The following MRPL1 variants were observed in gnomAD, a reference collection of about 807,000 sequenced individuals.
The protein encoded by MRPL1 is large ribosomal subunit protein uL1m.
A neutral mutation model predicts 38.0 loss-of-function variants in MRPL1; 28 were observed. That is an observed-to-expected ratio of 0.74 (90% CI 0.55 to 1.01). MRPL1 has a LOEUF of 1.01. MRPL1 is among the 50% of genes least tolerant of loss of function. The pLI, the probability that MRPL1 is intolerant of heterozygous loss-of-function variation, is 0.00. For synonymous variants in MRPL1, 123 were observed against 126.7 expected, an observed-to-expected ratio of 0.97 and a Z score of 0.20; for missense variants, 358 against 389.8, an observed-to-expected ratio of 0.92 and a Z score of 0.69.
intron 7 of MRPL1, among the ~76,000 whole-genome samples, chr4:77,935,079 T>C (rs1429257792): frequency 2.0e-5 from 3 of 152,150 alleles, no homozygotes; most frequent in Non-Finnish European, 2.9e-5. Context: ...ATTTTGTTTA[T>C]ATGACATTTT....
chr4:77,877,999 T>C (rs752196809), intron 2 of MRPL1, among the ~76,000 whole-genome samples: 15 of 152,102 alleles, frequency 9.9e-5, no homozygotes, highest in Non-Finnish European at 1.8e-4. Flanking sequence ...GGCCTGTGAA[T>C]TGAGTGTGAA....
intron 1 of MRPL1, among the ~76,000 whole-genome samples, chr4:77,869,580 GTTGT>G (rs141857510): frequency 0.17 from 26,158 of 151,312 alleles, 2,880 homozygotes; most frequent in African/African-American, 0.31. Flanking sequence ...CTTGCTTTTT[GTTGT>G]TTGTTTGTTT....
intron 5 of MRPL1, among the ~76,000 whole-genome samples, chr4:77,890,168 A>G (rs553813027): frequency 1.3e-5 from 2 of 152,292 alleles, no homozygotes; most frequent in East Asian, 3.9e-4. Flanking sequence ...CCTGGCAGAG[A>G]CACGACAAAA....
intron 2 of MRPL1, among the ~76,000 whole-genome samples, chr4:77,881,270 A>T (rs1451788159): frequency 6.6e-6 from 1 of 152,092 alleles, no homozygotes; most frequent in African/African-American, 2.4e-5. Flanking sequence ...CAAACTTCAT[A>T]TCCCCCAAAC....
intron 7 of MRPL1, among the ~76,000 whole-genome samples, chr4:77,949,325 C>T (rs1737352328): frequency 6.6e-6 from 1 of 152,118 alleles, no homozygotes; most frequent in Non-Finnish European, 1.5e-5. Flanking sequence ...AGAATGTTAG[C>T]ACAACATCCT....
intron 5 of MRPL1, among the ~76,000 whole-genome samples, chr4:77,892,888 A>G (rs1163700807): frequency 6.6e-6 from 1 of 152,208 alleles, no homozygotes; most frequent in East Asian, 1.9e-4. Flanking sequence ...AAGGTTTGTT[A>G]TGAAGACTGG....
intron 7 of MRPL1, among the ~76,000 whole-genome samples, chr4:77,920,496 AG>A (rs1736542595): frequency 6.6e-6 from 1 of 152,222 alleles, no homozygotes; most frequent in African/African-American, 2.4e-5. Flanking sequence ...CATTGTCTTG[AG>A]ATCTGTTGCT....
rs1212519065 is a variant in MRPL1 at position 77,883,330 on chromosome 4, A to G, written c.232A>G (p.Met78Val). Reference protein sequence around the residue: ...EIEKIKAYPYMEGEPEDDVYL... With the variant: ...EIEKIKAYPYVEGEPEDDVYL... ...AGAAAAAATAAAAGCATATCCCTAT[A>G]TGGAAGGCGAACCTGAGGATGATGT... The change falls in exon 3 of 9, where the codon ATG becomes GTG. Residue 78 changes from methionine (M) to valine (V), a missense_variant. By Grantham distance (21) the Met-to-Val change is conservative (BLOSUM62 1). Transcript: ENST00000315567. 1.2e-6 allele frequency: 2 copies of G among 1,613,680 alleles called. No homozygotes were observed. The highest frequency in any genetic ancestry group is 3.3e-5 in the Admixed American group (2 of 60,016).
At chr4:77,938,514 C>CAA (rs1485200050) in intron 7 of MRPL1, among the ~76,000 whole-genome samples, 1 of 152,188 alleles carries the variant, frequency 6.6e-6, no homozygotes, top group Non-Finnish European at 1.5e-5. Context: ...ACCAGACTTA[C>CAA]AAATGGCAGC....
At chr4:77,952,202 T>C (rs1737427013) in intron 8 of MRPL1, among the ~76,000 whole-genome samples, 1 of 152,226 alleles carries the variant, frequency 6.6e-6, no homozygotes, top group South Asian at 2.1e-4. Context: ...TTGCTTTTAT[T>C]AATCTTAAAT....
chr4:77,906,084 A>T (rs958233578), intron 6 of MRPL1, among the ~76,000 whole-genome samples: 1 of 152,200 alleles, frequency 6.6e-6, no homozygotes, highest in Non-Finnish European at 1.5e-5. Context: ...CATGGATAGG[A>T]TAAGAGAAGT....
chr4:77,883,465 C>G lies in MRPL1; in HGVS notation c.367C>G (p.Leu123Val). Residue 123 changes from leucine (L) to valine (V), a missense_variant, in exon 3 of 9, where the codon CTT (leucine) becomes GTT (valine). By Grantham distance (32) the Leu-to-Val change is conservative. Transcript: ENST00000315567. ...TACTAGTCCAAAGCAAAGTGTTTAT[C>G]TTGATTTGACACTGGATATGGCACT... ...DFTSPKQSVY[L>V]DLTLDMALGK... is the part of the protein sequence containing the mutation. 6.2e-7 allele frequency: 1 copy of G among 1,613,552 alleles called. No individual in the cohort carries two copies. The highest frequency in any genetic ancestry group is 8.5e-7 in the Non-Finnish European group (1 of 1,179,790).
chr4:77,944,068 C>T (rs544324375), intron 7 of MRPL1, among the ~76,000 whole-genome samples: 1 of 152,312 alleles, frequency 6.6e-6, no homozygotes, highest in South Asian at 2.1e-4. Context: ...TCTTTTGTCC[C>T]ACCAGGTGTT....
Position 77,941,621 on chromosome 4 carries a change from A to G in MRPL1, c.778-8176A>G, listed in dbSNP as rs548618307. On this transcript the variant is annotated intron_variant, in intron 7 of 8. Transcript: ENST00000315567. Reference sequence around the variant, plus strand: ...TAATCTAGGAGGGTTGTCTATTTCCAGGAATTTATCCATCTCTTCTAGGTT... The same window carrying G: ...TAATCTAGGAGGGTTGTCTATTTCCGGGAATTTATCCATCTCTTCTAGGTT... Among the ~76,000 whole-genome samples, 27 of 152,278 alleles carry G rather than the reference A, an allele frequency of 1.8e-4. No homozygotes were observed. The East Asian group carries it at 5.0e-3, about 28-fold the overall frequency.
chr4:77,868,478 T>C (rs1211686737), intron 1 of MRPL1, among the ~76,000 whole-genome samples: 2 of 152,220 alleles, frequency 1.3e-5, no homozygotes, highest in South Asian at 2.1e-4. Context: ...CCTTATCTTG[T>C]GATCCACCCT....
At chr4:77,912,310 A>G (rs1050831460) in intron 7 of MRPL1, among the ~76,000 whole-genome samples, 3 of 152,174 alleles carry the variant, frequency 2.0e-5, no homozygotes, top group African/African-American at 7.2e-5. Flanking sequence ...TGAAACTGTC[A>G]TTATTCACAG....
At chr4:77,883,852 A>G (rs59340657) in intron 3 of MRPL1, among the ~76,000 whole-genome samples, 3,055 of 152,286 alleles carry the variant, frequency 0.02, 96 homozygotes, top group African/African-American at 0.07. Context: ...TGCTGGGATT[A>G]CATGCATGAG....
chr4:77,866,919 TG>T (rs1578035214), intron 1 of MRPL1, among the ~76,000 whole-genome samples: 1 of 152,042 alleles, frequency 6.6e-6, no homozygotes, highest in African/African-American at 2.4e-5. Flanking sequence ...AGCTAATTTT[TG>T]TATTTTTAGT....
chr4:77,932,140 G>C (rs1036101779), intron 7 of MRPL1, among the ~76,000 whole-genome samples: 1 of 152,230 alleles, frequency 6.6e-6, no homozygotes, highest in Admixed American at 6.5e-5. Flanking sequence ...AACTCAATCT[G>C]CCACTTCTGG....
Sources: gnomAD v4.1 joint callset for allele counts (sites outside exome capture counted in the v4.1 genomes callset) on GRCh38, gnomAD v4.1.1 for gene constraint, MANE v1.5 for transcripts, NCBI Gene and HGNC (gene_info 2026-07-23, HGNC 2026-07-21) for gene names.